Variants in DDC observed in about 807,000 individuals in gnomAD.
DDC encodes the protein dopa decarboxylase.
In DDC, 43 loss-of-function variants were observed where a neutral mutation model predicts 60.0. That is an observed-to-expected ratio of 0.72 (90% CI 0.56 to 0.92). The LOEUF is 0.92. DDC is among the 40% of genes least tolerant of loss of function. DDC has a pLI of 0.00. For missense variants in DDC, 573 were observed against 620.2 expected, an observed-to-expected ratio of 0.92 and a Z score of 0.81; for synonymous variants, 232 against 234.6, an observed-to-expected ratio of 0.99 and a Z score of 0.10.
intron 6 of DDC, among the ~76,000 whole-genome samples, chr7:50,507,024 C>CT (rs2043417448): frequency 1.3e-5 from 2 of 152,224 alleles, no homozygotes; most frequent in African/African-American, 4.8e-5. Context: ...TTGTCTAAGA[C>CT]ACCTGGCTAC....
intron 2 of DDC, among the ~76,000 whole-genome samples, chr7:50,541,713 C>G (rs1385581398): frequency 6.6e-6 from 1 of 152,142 alleles, no homozygotes; most frequent in Non-Finnish European, 1.5e-5. Flanking sequence ...TTGTTTAAGC[C>G]CCCAGTCTAC....
rs1224899697 is a variant in DDC at position 50,528,274 on chromosome 7, A to T, written c.577T>A (p.Ser193Thr). ...ATTAACCCAGCTCTTTCCACTGAGG[A>T]GTGTGCCTGGAAAGAAGACAGCAGA... The part of the protein sequence containing the change: ...LVAYSSDQAH[S>T]SVERAGLIGG... Residue 193 changes from serine to threonine, a missense_variant, in exon 6 of 15, where the codon TCC becomes ACC. Ser to Thr is a moderately conservative substitution (Grantham distance 58). Transcript: ENST00000444124. The T allele has an allele frequency of 2.5e-6, 4 of 1,614,030 alleles. No homozygotes were observed. The highest frequency in any genetic ancestry group is 3.4e-6 in the Non-Finnish European group (4 of 1,179,964).
At chr7:50,549,111 T>C (rs2044899128) in intron 1 of DDC, among the ~76,000 whole-genome samples, 1 of 152,206 alleles carries the variant, frequency 6.6e-6, no homozygotes, top group Non-Finnish European at 1.5e-5. Context: ...TTCAAAAATA[T>C]TACTGCTCAT....
At chr7:50,492,574 A>T in intron 9 of DDC, 1 of 558,994 alleles carries the variant, frequency 1.8e-6, no homozygotes, top group Non-Finnish European at 2.4e-6. Flanking sequence ...ACTGTCGCCC[A>T]CTCCAGAGGA....
At chr7:50,494,397 G>C (rs374250951) in intron 9 of DDC, among the ~76,000 whole-genome samples, 2 of 152,072 alleles carry the variant, frequency 1.3e-5, no homozygotes, top group Non-Finnish European at 2.9e-5. Flanking sequence ...CCAGCTACTC[G>C]GGAGGCTGAG....
intron 9 of DDC, among the ~76,000 whole-genome samples, chr7:50,488,004 T>G (rs2042921262): frequency 6.6e-6 from 1 of 152,130 alleles, no homozygotes; most frequent in South Asian, 2.1e-4. Flanking sequence ...TAATACTGAA[T>G]TATTTGGCAA....
chr7:50,491,126 C>G (rs1443098474), intron 9 of DDC, among the ~76,000 whole-genome samples: 2 of 152,040 alleles, frequency 1.3e-5, no homozygotes, highest in Admixed American at 1.3e-4. Flanking sequence ...TTTGAAATCA[C>G]TAAATATTAA....
At chr7:50,462,114 TC>T in intron 14 of DDC, among the ~76,000 whole-genome samples, 1 of 148,868 alleles carries the variant, frequency 6.7e-6, no homozygotes. Flanking sequence ...AGATTCTAAA[TC>T]CCCCACGGGT....
At chr7:50,530,651 C>T (rs1006815645) in intron 4 of DDC, among the ~76,000 whole-genome samples, 1 of 151,060 alleles carries the variant, frequency 6.6e-6, no homozygotes, top group African/African-American at 2.4e-5. Context: ...TAGGAGTGAG[C>T]CCACGCCTGC....
At chr7:50,553,366 G>A (rs2045072139) in intron 1 of DDC, among the ~76,000 whole-genome samples, 1 of 152,064 alleles carries the variant, frequency 6.6e-6, no homozygotes, top group Non-Finnish European at 1.5e-5. Context: ...TTTTGGGCCT[G>A]AGGCTCTGGC....
chr7:50,551,318 C>G (rs1419988733), intron 1 of DDC, among the ~76,000 whole-genome samples: 3 of 151,162 alleles, frequency 2.0e-5, no homozygotes, highest in African/African-American at 7.3e-5. Flanking sequence ...GCAACCTCTG[C>G]CTCCCAGGTT....
At chr7:50,561,357 G>C (rs2153554799) in intron 1 of DDC, among the ~76,000 whole-genome samples, 1 of 152,230 alleles carries the variant, frequency 6.6e-6, no homozygotes, top group East Asian at 1.9e-4. Context: ...GACTCTCCCA[G>C]CAACTTTGAG....
intron 2 of DDC, among the ~76,000 whole-genome samples, chr7:50,540,390 C>T (rs539346729): frequency 2.0e-5 from 3 of 152,178 alleles, no homozygotes; most frequent in South Asian, 4.2e-4. Context: ...CCGGTGCTCT[C>T]GTCAGTGAAG....
At chr7:50,516,910 C>T (rs761116539) in intron 6 of DDC, among the ~76,000 whole-genome samples, 2 of 151,658 alleles carry the variant, frequency 1.3e-5, no homozygotes, top group Non-Finnish European at 2.9e-5. Context: ...AGACCAACAA[C>T]AAGCAGTGAG....
intron 11 of DDC, among the ~76,000 whole-genome samples, chr7:50,474,673 C>T (rs1477625858): frequency 1.3e-5 from 2 of 152,144 alleles, no homozygotes; most frequent in Non-Finnish European, 2.9e-5. Flanking sequence ...GGATTGTGCC[C>T]CAGGCCTTTG....
At chr7:50,478,062 A>C (rs993025320) in intron 10 of DDC, among the ~76,000 whole-genome samples, 1 of 151,692 alleles carries the variant, frequency 6.6e-6, no homozygotes, top group African/African-American at 2.4e-5. Flanking sequence ...AAATACAAAA[A>C]ATTATCTGGG....
chr7:50,532,055 A>C (rs1484773268), intron 4 of DDC, among the ~76,000 whole-genome samples: 1 of 152,236 alleles, frequency 6.6e-6, no homozygotes, highest in East Asian at 1.9e-4. Flanking sequence ...GCCTCACAAC[A>C]ACAGTTTGCC....
At chr7:50,462,261 A>G (rs1238310356) in intron 14 of DDC, among the ~76,000 whole-genome samples, 1 of 151,614 alleles carries the variant, frequency 6.6e-6, no homozygotes, top group Non-Finnish European at 1.5e-5. Flanking sequence ...AAATAAACAG[A>G]AAAAGGTAGA....
intron 4 of DDC, among the ~76,000 whole-genome samples, chr7:50,533,253 T>C (rs1479587339): frequency 6.6e-6 from 1 of 152,146 alleles, no homozygotes; most frequent in Non-Finnish European, 1.5e-5. Context: ...TCCTGTGTCT[T>C]TTCATTTTTA....
Sources: allele counts gnomAD v4.1 joint callset (sites outside exome capture counted in the v4.1 genomes callset), GRCh38; gene constraint gnomAD v4.1.1; transcripts MANE v1.5; gene names NCBI Gene and HGNC (gene_info 2026-07-23, HGNC 2026-07-21).